ITSN1: variants seen among roughly 807,000 people sequenced by gnomAD.
ITSN1 encodes the protein intersectin 1, also known as intersectin-1.
Under a neutral mutation model 239.8 loss-of-function variants are expected in ITSN1, and 58 were observed. The ratio of observed to expected loss-of-function variants is 0.24; its 90% CI spans 0.20 to 0.30. The LOEUF is 0.30. Among genes scored for constraint, ITSN1 ranks in the 10% least tolerant of loss-of-function variants. The pLI is 1.00. For synonymous variants in ITSN1, 780 were observed against 770.8 expected (o/e 1.01, Z -0.20); for missense variants, 1,558 against 2,103.3 (o/e 0.74, Z 5.07).
intron 16 of ITSN1, among the ~76,000 whole-genome samples, chr21:33,782,841 C>T (rs1243560222): frequency 6.6e-6 from 1 of 151,760 alleles, no homozygotes; most frequent in Non-Finnish European, 1.5e-5. Flanking sequence ...CTGGCTAACA[C>T]GGTGAAACCC....
chr21:33,712,056 G>C (rs1002452544), intron 1 of ITSN1, among the ~76,000 whole-genome samples: 2 of 152,076 alleles, frequency 1.3e-5, no homozygotes, highest in African/African-American at 4.8e-5. Flanking sequence ...TTTCTCTGCT[G>C]ATAACTTGTA....
intron 21 of ITSN1, among the ~76,000 whole-genome samples, chr21:33,813,110 T>A (rs902956805): frequency 6.6e-6 from 1 of 152,178 alleles, no homozygotes; most frequent in Non-Finnish European, 1.5e-5. Flanking sequence ...CAACTAACCT[T>A]AAGTGGCACA....
At chr21:33,738,229 C>T (rs2066621480) in intron 5 of ITSN1, among the ~76,000 whole-genome samples, 2 of 151,962 alleles carry the variant, frequency 1.3e-5, no homozygotes, top group South Asian at 4.1e-4. Context: ...CATTTCCTTG[C>T]CCTTATATAT....
intron 14 of ITSN1, among the ~76,000 whole-genome samples, chr21:33,775,577 G>C (rs570564109): frequency 6.6e-6 from 1 of 152,278 alleles, no homozygotes; most frequent in South Asian, 2.1e-4. Context: ...TTAATGACAG[G>C]CTAAGCCATG....
intron 29 of ITSN1, among the ~76,000 whole-genome samples, chr21:33,845,931 G>A (rs775129224): frequency 2.0e-5 from 3 of 152,164 alleles, no homozygotes; most frequent in African/African-American, 4.8e-5. Flanking sequence ...CTGTGGCATC[G>A]TGGGCCCACG....
At chr21:33,812,270 C>T (rs1474848685) in intron 21 of ITSN1, among the ~76,000 whole-genome samples, 1 of 152,108 alleles carries the variant, frequency 6.6e-6, no homozygotes, top group Non-Finnish European at 1.5e-5. Flanking sequence ...AAGACTAATA[C>T]CATATTTTCC....
At position 33,813,982 on chromosome 21, in the gene ITSN1, C is replaced by T. The variant is rs763661601; in HGVS notation, c.2637C>T (p.Leu879=). Residue 879 remains leucine (L), a synonymous_variant, in exon 22 of 40, where the codon CTC becomes CTT. Coordinates refer to ENST00000381318, the MANE Select transcript of ITSN1 (RefSeq NM_003024.3). ...ATGCATGGGCAGCCCAGCCCTCTCT[C>T]ACCGTTCCAAGTGCCGGCCAGTTAA... The part of the protein sequence containing the change: ...NWDAWAAQPS[L]TVPSAGQLRQ... The T allele has an allele frequency of 1.6e-5, 26 of 1,614,068 alleles. No individual in the cohort carries two copies. The African/African-American group carries it at 2.9e-4, about 18-fold the overall frequency.
intron 22 of ITSN1, chr21:33,817,145 T>G: frequency 2.5e-6 from 3 of 1,204,800 alleles, no homozygotes; most frequent in Non-Finnish European, 3.2e-6. Context: ...AGTTGGTGTT[T>G]CATTTTTTAC....
chr21:33,652,654 C>T (rs528459749), intron 1 of ITSN1, among the ~76,000 whole-genome samples: 1 of 152,276 alleles, frequency 6.6e-6, no homozygotes, highest in Non-Finnish European at 1.5e-5. Context: ...TTCCTGTTCT[C>T]TTACCAGGAC....
chr21:33,761,722 A>T (rs1256687028), intron 8 of ITSN1, among the ~76,000 whole-genome samples: 1 of 152,204 alleles, frequency 6.6e-6, no homozygotes, highest in African/African-American at 2.4e-5. Context: ...TATGTGTCAG[A>T]TGCTGTGCTC....
chr21:33,692,891 T>C (rs940669470), intron 1 of ITSN1, among the ~76,000 whole-genome samples: 8 of 151,970 alleles, frequency 5.3e-5, no homozygotes, highest in African/African-American at 1.9e-4. Flanking sequence ...TGCCTCAACC[T>C]CCTGAGTAGC....
At chr21:33,773,762 C>T (rs1342240345) in intron 12 of ITSN1, among the ~76,000 whole-genome samples, 1 of 152,092 alleles carries the variant, frequency 6.6e-6, no homozygotes, top group East Asian at 1.9e-4. Context: ...TCACTGCAGC[C>T]TTCACCTCCT....
intron 1 of ITSN1, among the ~76,000 whole-genome samples, chr21:33,672,261 C>G (rs1217421723): frequency 6.6e-6 from 1 of 151,816 alleles, no homozygotes; most frequent in Non-Finnish European, 1.5e-5. Flanking sequence ...TTAATTTTAT[C>G]TAATTCACGT....
At chr21:33,713,828 CTTTT>C (rs35226795) in intron 1 of ITSN1, among the ~76,000 whole-genome samples, 1 of 89,364 alleles carries the variant, frequency 1.1e-5, no homozygotes, top group African/African-American at 4.6e-5. Flanking sequence ...CCAGCCTCAT[CTTTT>C]TTTTTTTTTT....
intron 1 of ITSN1, among the ~76,000 whole-genome samples, chr21:33,702,052 A>G (rs1287330419): frequency 2.0e-5 from 3 of 151,992 alleles, no homozygotes; most frequent in Non-Finnish European, 4.4e-5. Context: ...TGGGCGAAAG[A>G]GCGAAACTCT....
chr21:33,846,133 C>T (rs1183638419), intron 29 of ITSN1, among the ~76,000 whole-genome samples: 1 of 152,146 alleles, frequency 6.6e-6, no homozygotes, highest in Non-Finnish European at 1.5e-5. Flanking sequence ...TCCAGTCTCA[C>T]CCAACCCAGA....
chr21:33,780,527 C>G (rs1217212815), intron 14 of ITSN1, among the ~76,000 whole-genome samples: 3 of 152,118 alleles, frequency 2.0e-5, no homozygotes, highest in East Asian at 3.8e-4. Context: ...TGAGTTAACT[C>G]TTTCTACCAT....
At chr21:33,841,808 A>G (rs2074832694) in intron 29 of ITSN1, among the ~76,000 whole-genome samples, 1 of 152,228 alleles carries the variant, frequency 6.6e-6, no homozygotes. Flanking sequence ...CCAAAAATGC[A>G]AGGAAAAATA....
chr21:33,841,666 A>G (rs1257874235), intron 29 of ITSN1, among the ~76,000 whole-genome samples: 2 of 152,146 alleles, frequency 1.3e-5, no homozygotes, highest in African/African-American at 4.8e-5. Flanking sequence ...CGGGGGCAAC[A>G]CCCCACCCAG....
Sources: allele counts gnomAD v4.1 joint callset (sites outside exome capture counted in the v4.1 genomes callset), GRCh38; gene constraint gnomAD v4.1.1; transcripts MANE v1.5; gene names NCBI Gene and HGNC (gene_info 2026-07-23, HGNC 2026-07-21).